ZNF44: variants seen among roughly 807,000 people sequenced by gnomAD.
The protein encoded by ZNF44 is zinc finger protein 44, also known as gonadotropin inducible transcription repressor-2.
In ZNF44, 9 loss-of-function variants were observed where a neutral mutation model predicts 11.7. The ratio of observed to expected loss-of-function variants is 0.77; its 90% CI spans 0.46 to 1.35. The LOEUF (loss-of-function observed/expected upper bound fraction) is 1.35, where lower values mean the gene tolerates loss of function less well. Ranked by LOEUF, ZNF44 falls within the 40% of genes most tolerant of loss-of-function variation. The probability of loss-of-function intolerance (pLI) is 0.00; values close to 1 mark genes in which losing one functional copy is unlikely to be tolerated. For synonymous variants in ZNF44, 224 were observed against 242.7 expected (o/e 0.92, Z 0.72); for missense variants, 696 against 743.1 (o/e 0.94, Z 0.74).
intron 1 of ZNF44, among the ~76,000 whole-genome samples, chr19:12,288,771 A>ATGTAT (rs1253278392): frequency 4.7e-4 from 18 of 38,368 alleles, no homozygotes; most frequent in African/African-American, 2.1e-3. Flanking sequence ...AAAAAAAAAA[A>ATGTAT]ATGTATATAT....
At chr19:12,290,283 G>A (rs1001422612) in intron 1 of ZNF44, among the ~76,000 whole-genome samples, 6 of 151,750 alleles carry the variant, frequency 4.0e-5, no homozygotes, top group Non-Finnish European at 5.9e-5. Flanking sequence ...TACTCAGGAG[G>A]CTGAGGCAGG....
chr19:12,239,173 C>T (rs564081277), upstream of ZNF44, among the ~76,000 whole-genome samples: 61 of 152,232 alleles, frequency 4.0e-4, 1 homozygote, highest in Middle Eastern at 0.01. Context: ...AGTGCAGTGG[C>T]GTGATCTCGG....
chr19:12,248,194 T>C (rs540285008), exon 8 of ZNF44: 2 of 1,308,242 alleles, frequency 1.5e-6, no homozygotes, highest in Non-Finnish European at 1.0e-6. Context: ...TCCTTACATT[T>C]GTAGGGTTTC....
rs758563674 is a variant in ZNF44 at position 12,260,233 on chromosome 19, C to T, written c.1913-9865G>A. ...GCCCAGTAACTTGAAGGCCCCAGCTCCTTCCGCTACAACGGGCTGATTCAC... is the reference window on the plus strand; with the variant it reads ...GCCCAGTAACTTGAAGGCCCCAGCTTCTTCCGCTACAACGGGCTGATTCAC... On this transcript the variant is annotated intron_variant and NMD_transcript_variant, in intron 5 of 7. Transcript: ENST00000393337. 824 of 796,470 alleles carry T rather than the reference C, an allele frequency of 1.0e-3. 4 individuals carry two copies. Among genetic ancestry groups the T allele is most frequent in the Non-Finnish European group, 1.6e-3 (711 of 443,414 alleles). 49.3% of individuals were successfully genotyped at this position (796,470 alleles called of 1,614,324 possible).
At chr19:12,231,458 TTG>T (rs1916162595) in intron 2 of ZNF44, among the ~76,000 whole-genome samples, 1 of 152,210 alleles carries the variant, frequency 6.6e-6, no homozygotes, top group Non-Finnish European at 1.5e-5. Context: ...AGATTTTGCC[TTG>T]AGGTGGAAGA....
chr19:12,274,993 T>G lies in ZNF44; in HGVS notation c.171A>C (p.Gln57His). 1 of 1,591,740 alleles carries G rather than the reference T, an allele frequency of 6.3e-7. No individual in the cohort carries two copies. The highest frequency in any genetic ancestry group is 2.3e-5 in the East Asian group (1 of 43,682). ...WENQNIDDQH[Q>H]NLRRNPRCDV... ...ATTACCTTGGATTTCTCCTGAGATT[T>G]TGGTGCTGATCATCAATGTTCTGGT... The change falls in exon 3 of 4, where the codon CAA becomes CAC. Residue 57 changes from glutamine to histidine, a missense_variant. By Grantham distance (24) the Gln-to-His change is conservative. Coordinates refer to ENST00000355684, the MANE Select transcript of ZNF44 (RefSeq NM_016264.4).
At chr19:12,291,205 A>G (rs1967993089) in intron 1 of ZNF44, 1 of 449,610 alleles carries the variant, frequency 2.2e-6, no homozygotes, top group Non-Finnish European at 4.4e-6. Context: ...CCAAGTCCAG[A>G]TAACAGGAAC....
At chr19:12,294,036 T>C (rs962134552) in intron 1 of ZNF44, among the ~76,000 whole-genome samples, 65 of 151,330 alleles carry the variant, frequency 4.3e-4, no homozygotes, top group Middle Eastern at 6.8e-3. Context: ...CAGCAGACGC[T>C]GACCGCCGGC....
intron 3 of ZNF44, among the ~76,000 whole-genome samples, chr19:12,229,850 G>A (rs1354821724): frequency 6.6e-6 from 1 of 152,076 alleles, no homozygotes; most frequent in East Asian, 1.9e-4. Context: ...CTGACATCGT[G>A]ATCAGCCCGC....
intron 1 of ZNF44, among the ~76,000 whole-genome samples, chr19:12,288,774 G>GTATATATATATCTATA (rs1555744588): frequency 1.3e-5 from 1 of 76,840 alleles, no homozygotes; most frequent in African/African-American, 9.1e-5. Context: ...AAAAAAAAAT[G>GTATATATATATCTATA]TATATATATA....
intron 1 of ZNF44, chr19:12,291,175 C>A (rs1239522656): frequency 9.2e-6 from 4 of 434,574 alleles, no homozygotes; most frequent in South Asian, 5.1e-5. Context: ...CAAAGTCCCA[C>A]AGAATGTTGC....
At chr19:12,226,938 C>A (rs952453223) in intron 3 of ZNF44, among the ~76,000 whole-genome samples, 1 of 151,816 alleles carries the variant, frequency 6.6e-6, no homozygotes, top group East Asian at 2.0e-4. Context: ...TGGTGGCGAA[C>A]GCCTGTAATC....
intron 3 of ZNF44, among the ~76,000 whole-genome samples, chr19:12,227,000 C>T (rs970817190): frequency 2.0e-5 from 3 of 152,058 alleles, no homozygotes; most frequent in African/African-American, 7.2e-5. Flanking sequence ...TAGGAGGAGG[C>T]TGCAGTGAGC....
intron 5 of ZNF44, among the ~76,000 whole-genome samples, chr19:12,253,884 C>T (rs1341249350): frequency 6.6e-6 from 1 of 152,112 alleles, no homozygotes; most frequent in Non-Finnish European, 1.5e-5. Context: ...GAGGCTGATG[C>T]AGGAGAATCG....
intron 3 of ZNF44, among the ~76,000 whole-genome samples, chr19:12,228,007 A>C (rs1444300511): frequency 6.6e-6 from 1 of 152,234 alleles, no homozygotes; most frequent in African/African-American, 2.4e-5. Context: ...AATTTTTGTT[A>C]AAAAGCAGGT....
chr19:12,287,188 A>G (rs546957409), intron 1 of ZNF44, among the ~76,000 whole-genome samples: 11 of 151,810 alleles, frequency 7.2e-5, no homozygotes, highest in Non-Finnish European at 1.3e-4. Flanking sequence ...AACCCCCATT[A>G]TCCACCAAAT....
In ZNF44 at chr19:12,290,567, G is replaced by A. The variant is rs929774730; in HGVS notation, c.3+4125C>T. 3.0e-4 allele frequency among the ~76,000 whole-genome samples: 46 copies of A among 151,994 alleles called. 1 individual carries two copies. The Middle Eastern group carries it at 0.01, about 34-fold the overall frequency. Reference sequence around the variant, plus strand: ...ATACAAAAATTAGCTGGGCATGGTGGCACACGCCTGTAATCCCAGCTACTG... The same window carrying A: ...ATACAAAAATTAGCTGGGCATGGTGACACACGCCTGTAATCCCAGCTACTG... On this transcript the variant is annotated intron_variant, in intron 1 of 3. Transcript: ENST00000355684.
chr19:12,292,030 T>C (rs1400307774), intron 1 of ZNF44, among the ~76,000 whole-genome samples: 2 of 150,532 alleles, frequency 1.3e-5, no homozygotes, highest in African/African-American at 4.9e-5. Flanking sequence ...AAAAAAGTTT[T>C]TAAAAAATGG....
At chr19:12,241,861 G>T (rs1278304925), upstream of ZNF44, among the ~76,000 whole-genome samples, 6 of 152,258 alleles carry the variant, frequency 3.9e-5, no homozygotes, top group East Asian at 1.2e-3. Flanking sequence ...ATATTATTCA[G>T]GCACAAAAAC....
Sources: gnomAD v4.1 joint callset for allele counts (sites outside exome capture counted in the v4.1 genomes callset) on GRCh38, gnomAD v4.1.1 for gene constraint, MANE v1.5 for transcripts, NCBI Gene and HGNC (gene_info 2026-07-23, HGNC 2026-07-21) for gene names.